NEK11: variants seen among roughly 807,000 people sequenced by gnomAD.
NEK11 encodes serine/threonine-protein kinase Nek11.
Under a neutral mutation model 80.7 loss-of-function variants are expected in NEK11, and 72 were observed. That is an observed-to-expected ratio of 0.89 (90% CI 0.74 to 1.08). The LOEUF is 1.08. NEK11 is among the 50% of genes least tolerant of loss of function. NEK11 has a pLI of 0.00. For synonymous variants in NEK11, 251 were observed against 260.7 expected, an observed-to-expected ratio of 0.96 and a Z score of 0.36; for missense variants, 764 against 763.6, an observed-to-expected ratio of 1.00 and a Z score of -0.01.
intron 17 of NEK11, among the ~76,000 whole-genome samples, chr3:131,304,085 C>T (rs1464662727): frequency 6.6e-6 from 1 of 152,154 alleles, no homozygotes; most frequent in East Asian, 1.9e-4. Context: ...TTACATAATT[C>T]CATATTTTTG....
chr3:131,343,332 G>A (rs1249711915), intron 17 of NEK11, among the ~76,000 whole-genome samples: 2 of 152,206 alleles, frequency 1.3e-5, no homozygotes. Context: ...GTAGAGTTTT[G>A]TCTTTGATAG....
intron 3 of NEK11, among the ~76,000 whole-genome samples, chr3:131,076,139 T>C (rs1027241894): frequency 2.6e-5 from 4 of 152,166 alleles, no homozygotes; most frequent in African/African-American, 9.7e-5. Flanking sequence ...TTGGTTTGTC[T>C]GTTTTTATCT....
intron 5 of NEK11, among the ~76,000 whole-genome samples, chr3:131,114,909 T>C (rs2080774873): frequency 6.6e-6 from 1 of 152,202 alleles, no homozygotes; most frequent in Non-Finnish European, 1.5e-5. Context: ...TTGGAAACAA[T>C]ACATGTGAAG....
intron 14 of NEK11, among the ~76,000 whole-genome samples, chr3:131,213,262 G>A (rs1023983119): frequency 6.6e-6 from 1 of 152,140 alleles, no homozygotes; most frequent in African/African-American, 2.4e-5. Flanking sequence ...GGTGAGCCGA[G>A]AATGTCTTTA....
At chr3:131,031,017 A>C (rs1002042730) in intron 3 of NEK11, among the ~76,000 whole-genome samples, 1 of 152,216 alleles carries the variant, frequency 6.6e-6, no homozygotes, top group Non-Finnish European at 1.5e-5. Flanking sequence ...CTAAGGTTTT[A>C]AGGCTACTCT....
chr3:131,108,047 G>T (rs1191209583), intron 4 of NEK11, among the ~76,000 whole-genome samples: 2 of 152,170 alleles, frequency 1.3e-5, no homozygotes, highest in South Asian at 2.1e-4. Context: ...CCATATTTTT[G>T]AATTCCACCA....
chr3:131,323,459 T>C (rs532549665), intron 17 of NEK11, among the ~76,000 whole-genome samples: 1 of 150,672 alleles, frequency 6.6e-6, no homozygotes, highest in East Asian at 1.9e-4. Context: ...TTGGCCTTCC[T>C]GGTCTCTTTC....
chr3:131,317,793 A>AGGAG (rs1270999813), intron 17 of NEK11, among the ~76,000 whole-genome samples: 1 of 101,684 alleles, frequency 9.8e-6, no homozygotes, highest in African/African-American at 4.2e-5. Flanking sequence ...GAGGAGGAGG[A>AGGAG]GAGAAGGAGG....
intron 17 of NEK11, 129 bp downstream of exon 17, chr3:131,273,703 T>C (rs762153920): frequency 1.1e-5 from 7 of 630,362 alleles, no homozygotes; most frequent in African/African-American, 1.8e-5. Context: ...GGGACTAAGC[T>C]GTTCCAACTT....
In NEK11 at chr3:131,034,560, C is replaced by G. The variant is rs185043889; in HGVS notation, c.170+4682C>G. On this transcript the variant is annotated intron_variant, in intron 3 of 17. Transcript: ENST00000383366. ...GACTACAGGCGCCCGCCACCACACC[C>G]GGCTAATTTTTTGTATTTTTAGTAG... is the stretch of plus-strand genomic sequence containing the variant. 4.9e-3 allele frequency among the ~76,000 whole-genome samples: 746 copies of G among 152,248 alleles called. 11 individuals are homozygous for G. The highest frequency in any genetic ancestry group is 0.017 in the African/African-American group (711 of 41,558).
At chr3:131,258,976 C>T (rs983956790) in intron 16 of NEK11, among the ~76,000 whole-genome samples, 1 of 152,042 alleles carries the variant, frequency 6.6e-6, no homozygotes, top group African/African-American at 2.4e-5. Flanking sequence ...TCTTTTGTAG[C>T]AATAATGTAC....
At chr3:131,108,975 A>G (rs2079630242) in intron 4 of NEK11, among the ~76,000 whole-genome samples, 1 of 152,112 alleles carries the variant, frequency 6.6e-6, no homozygotes, top group Non-Finnish European at 1.5e-5. Flanking sequence ...CATATCACTG[A>G]TTTGAATTTT....
At chr3:131,300,576 C>A (rs2096650341) in intron 17 of NEK11, among the ~76,000 whole-genome samples, 1 of 152,094 alleles carries the variant, frequency 6.6e-6, no homozygotes, top group African/African-American at 2.4e-5. Context: ...AGGAAGGGGT[C>A]CAGTTTCAAT....
chr3:131,071,309 C>T (rs945199159), intron 3 of NEK11, among the ~76,000 whole-genome samples: 2 of 152,044 alleles, frequency 1.3e-5, no homozygotes, highest in Non-Finnish European at 2.9e-5. Context: ...ATATTTATTA[C>T]TGTTTGTAAA....
intron 16 of NEK11, among the ~76,000 whole-genome samples, chr3:131,270,381 GC>G (rs1391666161): frequency 2.0e-5 from 3 of 152,116 alleles, no homozygotes; most frequent in Non-Finnish European, 4.4e-5. Flanking sequence ...AGAATCCCAA[GC>G]CCTACCCAAA....
At chr3:131,346,008 G>T (rs1462041184) in intron 17 of NEK11, among the ~76,000 whole-genome samples, 1 of 151,312 alleles carries the variant, frequency 6.6e-6, no homozygotes, top group Admixed American at 6.6e-5. Context: ...GATAGAGAAT[G>T]AAACAACGGT....
chr3:131,051,328 G>A (rs2068379743), intron 3 of NEK11, among the ~76,000 whole-genome samples: 1 of 152,118 alleles, frequency 6.6e-6, no homozygotes, highest in South Asian at 2.1e-4. Flanking sequence ...TTTCAGTGTT[G>A]TGGCATTTTC....
At chr3:131,097,054 G>C (rs2077549922) in intron 4 of NEK11, among the ~76,000 whole-genome samples, 1 of 151,776 alleles carries the variant, frequency 6.6e-6, no homozygotes, top group South Asian at 2.1e-4. Flanking sequence ...TCCCTACAAA[G>C]GACATGAACT....
chr3:131,242,324 G>A (rs996398689), intron 15 of NEK11, among the ~76,000 whole-genome samples: 2 of 152,130 alleles, frequency 1.3e-5, no homozygotes, highest in African/African-American at 4.8e-5. Flanking sequence ...CAAAGAAGCC[G>A]TTGTTATTTT....
Sources: gnomAD v4.1 joint callset for allele counts (sites outside exome capture counted in the v4.1 genomes callset) on GRCh38, gnomAD v4.1.1 for gene constraint, MANE v1.5 for transcripts, NCBI Gene and HGNC (gene_info 2026-07-23, HGNC 2026-07-21) for gene names.